Variants in CDH23 observed in about 807,000 individuals in gnomAD.
The protein encoded by CDH23 is cadherin related 23, also known as cadherin-23.
CDH23 carries 189 observed loss-of-function variants against 317.1 expected under a neutral mutation model. The ratio of observed to expected loss-of-function variants is 0.60; its 90% CI spans 0.53 to 0.67. The LOEUF (loss-of-function observed/expected upper bound fraction) is 0.67. Among genes scored for constraint, CDH23 ranks in the 30% least tolerant of loss-of-function variants. The probability of loss-of-function intolerance (pLI) is 0.00; values close to 1 mark genes in which losing one functional copy is unlikely to be tolerated. For missense variants in CDH23, 4,401 were observed against 4,592.4 expected (o/e 0.96, Z 1.20); for synonymous variants, 1,839 against 1,876.8 (o/e 0.98, Z 0.52).
chr10:71,672,934 C>T (rs1864207582), intron 14 of CDH23, among the ~76,000 whole-genome samples: 1 of 152,132 alleles, frequency 6.6e-6, no homozygotes, highest in Admixed American at 6.5e-5. Flanking sequence ...ACCCAGGCCC[C>T]TCCCTTCCTG....
intron 14 of CDH23, among the ~76,000 whole-genome samples, chr10:71,671,142 T>C (rs1485989497): frequency 6.6e-6 from 1 of 152,036 alleles, no homozygotes; most frequent in Admixed American, 6.5e-5. Context: ...CTATTTTTAA[T>C]AGAGATGGGG....
chr10:71,491,311 A>G (rs1023726126), intron 3 of CDH23, among the ~76,000 whole-genome samples: 1 of 152,162 alleles, frequency 6.6e-6, no homozygotes, highest in Non-Finnish European at 1.5e-5. Flanking sequence ...CTGTCAGTCC[A>G]GTGTGGCTAA....
intron 9 of CDH23, among the ~76,000 whole-genome samples, chr10:71,594,491 A>G (rs900818542): frequency 6.6e-6 from 1 of 152,178 alleles, no homozygotes; most frequent in East Asian, 1.9e-4. Context: ...CTCCTGCCTC[A>G]GCCTCCCGAG....
At chr10:71,619,297 T>G (rs78515793) in intron 11 of CDH23, among the ~76,000 whole-genome samples, 7,159 of 151,202 alleles carry the variant, frequency 0.047, 213 homozygotes, top group South Asian at 0.088. Context: ...ATTGCACCAC[T>G]GCACTCCACC....
At position 71,798,961 on chromosome 10, in the gene CDH23, G is replaced by A. The variant is rs151202258; in HGVS notation, c.7055-150G>A. On this transcript the variant is annotated intron_variant, in intron 50 of 69. Transcript: ENST00000224721. Reference sequence around the variant, plus strand: ...AACTGGACACCAGTCCCTCCCTGCCGTGTGCCCTGCAACTGGGTGGTGCTG... The same window carrying A: ...AACTGGACACCAGTCCCTCCCTGCCATGTGCCCTGCAACTGGGTGGTGCTG... 2.2e-3 allele frequency: 1,472 copies of A among 679,162 alleles called. 25 individuals carry two copies. Among genetic ancestry groups the A allele is most frequent in the South Asian group, 0.017 (886 of 50,642 alleles). 42.1% of individuals were successfully genotyped at this position (679,162 alleles called of 1,614,324 possible).
At position 71,785,077 on chromosome 10, in the gene CDH23, C is replaced by T. The variant is rs750798211; in HGVS notation, c.5689C>T (p.Arg1897Trp). 88 of 1,613,840 alleles carry T rather than the reference C, an allele frequency of 5.5e-5. No homozygotes were observed. The highest frequency in any genetic ancestry group is 7.2e-5 in the Non-Finnish European group (85 of 1,179,806). ...CAACATCACTGCGGGCAACCGCGAGCGGGCCTTCTTCATCAATGCCACGGT... is the reference window on the plus strand; with the variant it reads ...CAACATCACTGCGGGCAACCGCGAGTGGGCCTTCTTCATCAATGCCACGGT... ...TFNITAGNRE[R>W]AFFINATTGI... Residue 1897 changes from arginine (R) to tryptophan (W), a missense_variant, in exon 43 of 70, where the codon CGG (arginine) becomes TGG (tryptophan). Transcript: ENST00000224721.
chr10:71,503,521 C>T (rs1424872300), intron 3 of CDH23, among the ~76,000 whole-genome samples: 1 of 152,166 alleles, frequency 6.6e-6, no homozygotes, highest in Non-Finnish European at 1.5e-5. Flanking sequence ...TACCCAATGA[C>T]TATTTATTGA....
intron 34 of CDH23, among the ~76,000 whole-genome samples, chr10:71,738,165 T>C (rs1054702236): frequency 5.3e-5 from 8 of 152,234 alleles, no homozygotes; most frequent in Non-Finnish European, 8.8e-5. Flanking sequence ...TAGACCAGCA[T>C]TCCTAGCCTC....
At chr10:71,729,866 G>A (rs1056083169) in intron 30 of CDH23, among the ~76,000 whole-genome samples, 8 of 150,936 alleles carry the variant, frequency 5.3e-5, no homozygotes, top group South Asian at 4.2e-4. Flanking sequence ...ATGGAGTCTC[G>A]CTCTGTTGCC....
At chr10:71,425,294 G>A (rs1201010209) in intron 1 of CDH23, among the ~76,000 whole-genome samples, 2 of 141,856 alleles carry the variant, frequency 1.4e-5, no homozygotes, top group Admixed American at 7.2e-5. Flanking sequence ...AGGAAGGAAC[G>A]AAGGAGGAGA....
At chr10:71,592,346 G>A (rs1378061370) in intron 9 of CDH23, among the ~76,000 whole-genome samples, 1 of 146,336 alleles carries the variant, frequency 6.8e-6, no homozygotes, top group Non-Finnish European at 1.5e-5. Flanking sequence ...ATAATAAAAT[G>A]CCACTAACTT....
At chr10:71,678,131 A>T (rs1864452133) in intron 16 of CDH23, among the ~76,000 whole-genome samples, 1 of 152,206 alleles carries the variant, frequency 6.6e-6, no homozygotes, top group Non-Finnish European at 1.5e-5. Flanking sequence ...GTCAGAATTT[A>T]GCAAAAGATC....
At chr10:71,463,715 A>C (rs1451815656) in intron 3 of CDH23, among the ~76,000 whole-genome samples, 1 of 152,218 alleles carries the variant, frequency 6.6e-6, no homozygotes, top group Non-Finnish European at 1.5e-5. Flanking sequence ...GAGAGCCAGG[A>C]CCCAGAGATC....
chr10:71,807,503 A>T lies in CDH23; in HGVS notation c.8309-13A>T. The T allele has an allele frequency of 6.2e-7, 1 of 1,613,410 alleles. No homozygotes were observed. Among genetic ancestry groups the T allele is most frequent in the Non-Finnish European group, 8.5e-7 (1 of 1,179,612 alleles). On this transcript the variant is annotated splice_polypyrimidine_tract_variant and intron_variant, in intron 58 of 69. Coordinates refer to ENST00000224721, the MANE Select transcript of CDH23 (RefSeq NM_022124.6). ...CCCTGCCCCCTCACCCTGTGCCATG[A>T]TCCCACCCTCAGCCGGCAACGAAGA... is the stretch of plus-strand genomic sequence containing the variant.
chr10:71,415,399 C>A (rs1301069675), intron 1 of CDH23, among the ~76,000 whole-genome samples: 1 of 152,134 alleles, frequency 6.6e-6, no homozygotes, highest in Non-Finnish European at 1.5e-5. Context: ...AGCCATCCGT[C>A]TCATTTTCTT....
intron 1 of CDH23, among the ~76,000 whole-genome samples, chr10:71,432,255 TGA>T (rs776185688): frequency 2.7e-5 from 4 of 150,764 alleles, no homozygotes; most frequent in Non-Finnish European, 5.9e-5. Flanking sequence ...TGCATGTGTT[TGA>T]GAGTGTGTGT....
chr10:71,434,406 G>A (rs1471026752), intron 1 of CDH23, among the ~76,000 whole-genome samples: 3 of 152,364 alleles, frequency 2.0e-5, no homozygotes, highest in East Asian at 3.9e-4. Context: ...CTAGCACACA[G>A]TAGGGCATGT....
chr10:71,740,758 C>T (rs2132845934), intron 36 of CDH23, 64 bp from the exon 37 acceptor site: 2 of 1,603,282 alleles, frequency 1.2e-6, no homozygotes, highest in East Asian at 2.2e-5. Flanking sequence ...CCCTTTTGGA[C>T]TCCATATTCC....
chr10:71,661,555 A>C (rs966477934), intron 14 of CDH23, among the ~76,000 whole-genome samples: 12 of 152,138 alleles, frequency 7.9e-5, no homozygotes, highest in Non-Finnish European at 1.5e-4. Flanking sequence ...GGAAGCAAAT[A>C]AATGAGATAG....
Sources: allele counts gnomAD v4.1 joint callset (sites outside exome capture counted in the v4.1 genomes callset), GRCh38; gene constraint gnomAD v4.1.1; transcripts MANE v1.5; gene names NCBI Gene and HGNC (gene_info 2026-07-23, HGNC 2026-07-21).